The following DRC8 variants were observed in gnomAD, a reference collection of about 807,000 sequenced individuals.
The protein encoded by DRC8 is dynein regulatory complex protein 8.
chr1:244,998,015 A>G, the DRC8 span, among the ~76,000 whole-genome samples: 2 of 152,116 alleles, frequency 1.3e-5, no homozygotes, highest in Non-Finnish European at 1.5e-5. Context: ...GTGGACTACC[A>G]TGCAACATGC....
At chr1:245,004,225 T>A in the DRC8 span, among the ~76,000 whole-genome samples, 20 of 150,880 alleles carry the variant, frequency 1.3e-4, no homozygotes, top group African/African-American at 4.1e-4. Context: ...TTGGATTGAT[T>A]TTTTTTTTAC....
At chr1:244,975,799 G>A in the DRC8 span, among the ~76,000 whole-genome samples, 1 of 152,146 alleles carries the variant, frequency 6.6e-6, no homozygotes, top group African/African-American at 2.4e-5. Context: ...GGTGGAGGTT[G>A]CAGTGAGCTG....
chr1:245,076,790 G>A, the DRC8 span, among the ~76,000 whole-genome samples: 4 of 151,674 alleles, frequency 2.6e-5, no homozygotes, highest in African/African-American at 9.7e-5. Flanking sequence ...GTAGTGGTGC[G>A]ATCTTGGTTC....
chr1:245,034,833 T>G, the DRC8 span, among the ~76,000 whole-genome samples: 1 of 148,716 alleles, frequency 6.7e-6, no homozygotes, highest in Admixed American at 6.8e-5. Flanking sequence ...TGGGAAACAG[T>G]GTAACAGTAG....
the DRC8 span, among the ~76,000 whole-genome samples, chr1:245,080,234 G>A: frequency 8.5e-5 from 13 of 152,306 alleles, no homozygotes; most frequent in African/African-American, 3.1e-4. Flanking sequence ...TTGAGAGGGA[G>A]TGGAAAATGT....
At chr1:245,034,121 C>T in the DRC8 span, among the ~76,000 whole-genome samples, 1 of 152,188 alleles carries the variant, frequency 6.6e-6, no homozygotes, top group Admixed American at 6.5e-5. Context: ...AGAGTTTCAT[C>T]TCCATCCTTC....
At chr1:245,041,491 A>G in the DRC8 span, among the ~76,000 whole-genome samples, 267 of 152,294 alleles carry the variant, frequency 1.8e-3, 3 homozygotes, top group South Asian at 0.02. Context: ...CCTGTGGTCT[A>G]TTGCAGTGGT....
chr1:245,012,424 G>A, the DRC8 span, among the ~76,000 whole-genome samples: 8 of 150,186 alleles, frequency 5.3e-5, no homozygotes, highest in African/African-American at 2.0e-4. Flanking sequence ...TCATGACAGA[G>A]AAATAAGATA....
the DRC8 span, among the ~76,000 whole-genome samples, chr1:245,042,718 A>AATGTTTT: frequency 6.6e-6 from 1 of 152,228 alleles, no homozygotes; most frequent in Admixed American, 6.5e-5. Context: ...GAGCAGGTAA[A>AATGTTTT]ATGTTTTGCC....
At chr1:244,987,807 G>T in the DRC8 span, among the ~76,000 whole-genome samples, 1 of 151,802 alleles carries the variant, frequency 6.6e-6, no homozygotes, top group Non-Finnish European at 1.5e-5. Context: ...TCCTCTTGGG[G>T]CTTATTATTT....
the DRC8 span, among the ~76,000 whole-genome samples, chr1:245,016,259 G>T: frequency 6.6e-6 from 1 of 152,300 alleles, no homozygotes; most frequent in African/African-American, 2.4e-5. Flanking sequence ...GGGAATACAG[G>T]TGTGAGCCAC....
chr1:245,116,548 C>T, the DRC8 span, among the ~76,000 whole-genome samples: 3 of 152,124 alleles, frequency 2.0e-5, no homozygotes, highest in Admixed American at 6.5e-5. Flanking sequence ...GTGTCCACCT[C>T]GTCAAACAGA....
the DRC8 span, among the ~76,000 whole-genome samples, chr1:244,979,774 G>T: frequency 6.6e-6 from 1 of 152,084 alleles, no homozygotes; most frequent in East Asian, 1.9e-4. Context: ...ATAGCACAGA[G>T]AACAAGTAGG....
At chr1:245,112,145 G>A in the DRC8 span, among the ~76,000 whole-genome samples, 1 of 152,212 alleles carries the variant, frequency 6.6e-6, no homozygotes, top group East Asian at 1.9e-4. Context: ...CACAATTTCC[G>A]CTCACTGCAA....
chr1:244,987,263 C>G, the DRC8 span, among the ~76,000 whole-genome samples: 174 of 151,104 alleles, frequency 1.2e-3, 1 homozygote, highest in Non-Finnish European at 1.9e-3. Flanking sequence ...TGCAATGGCG[C>G]GTTCTCAGCT....
chr1:245,105,640 AAAAAAC>A, the DRC8 span, among the ~76,000 whole-genome samples: 3 of 148,038 alleles, frequency 2.0e-5, no homozygotes, highest in Non-Finnish European at 3.0e-5. Context: ...AAAAAAAAAC[AAAAAAC>A]AAAAACAAAA....
the DRC8 span, among the ~76,000 whole-genome samples, chr1:245,014,819 A>G: frequency 2.0e-5 from 3 of 152,178 alleles, no homozygotes; most frequent in African/African-American, 4.8e-5. Flanking sequence ...GTAAAAGTAT[A>G]TACAGTACCT....
chr1:244,985,733 A>T, the DRC8 span, among the ~76,000 whole-genome samples: 1 of 151,634 alleles, frequency 6.6e-6, no homozygotes, highest in Non-Finnish European at 1.5e-5. Flanking sequence ...GCATGGTGGC[A>T]CACACCTGTA....
chr1:245,027,549 A>G, the DRC8 span, among the ~76,000 whole-genome samples: 1 of 152,226 alleles, frequency 6.6e-6, no homozygotes, highest in African/African-American at 2.4e-5. Flanking sequence ...TGAGAAAAAC[A>G]TTAAGAGACT....
Sources: gnomAD v4.1 joint callset for allele counts (sites outside exome capture counted in the v4.1 genomes callset) on GRCh38, gnomAD v4.1.1 for gene constraint, MANE v1.5 for transcripts, NCBI Gene and HGNC (gene_info 2026-07-23, HGNC 2026-07-21) for gene names.